TBC1D1: variants seen among roughly 807,000 people sequenced by gnomAD.
TBC1D1 encodes TBC1 (tre-2/USP6, BUB2, cdc16) domain family, member 1.
Under a neutral mutation model 125.6 loss-of-function variants are expected in TBC1D1, and 89 were observed. That is an observed-to-expected ratio of 0.71 (90% CI 0.60 to 0.85). The LOEUF (loss-of-function observed/expected upper bound fraction) is 0.85, where lower values mean the gene tolerates loss of function less well. TBC1D1 is among the 40% of genes least tolerant of loss of function. The probability of loss-of-function intolerance (pLI) is 0.00; values close to 1 mark genes in which losing one functional copy is unlikely to be tolerated. For synonymous variants in TBC1D1, 565 were observed against 564.1 expected, an observed-to-expected ratio of 1.00 and a Z score of -0.02; for missense variants, 1,377 against 1,469.2, an observed-to-expected ratio of 0.94 and a Z score of 1.03.
intron 15 of TBC1D1, chr4:38,110,780 T>A: frequency 3.0e-6 from 3 of 985,470 alleles, no homozygotes; most frequent in Non-Finnish European, 3.6e-6. Context: ...CATATCCTGA[T>A]AGATTTGTAG....
rs1293060064 is a variant in TBC1D1, at chr4:38,137,662, A to G, written c.*327A>G. 3.8e-6 allele frequency: 1 copy of G among 261,388 alleles called. No individual in the cohort carries two copies. Among genetic ancestry groups the G allele is most frequent in the African/African-American group, 2.2e-5 (1 of 45,478 alleles). The allele number at this position is 261,388 out of a possible 1,614,324, so 16.2% of individuals were successfully genotyped here. A position where few individuals can be genotyped will look rare whatever the true frequency, so the allele number is the denominator to read the frequency against. On this transcript the variant is annotated 3_prime_UTR_variant, in exon 20 of 20. Coordinates refer to ENST00000261439, the MANE Select transcript of TBC1D1 (RefSeq NM_015173.4). Reference sequence around the variant, plus strand: ...GAGTGTCACTGTGTTTGTAAAGAGCATTCACAATACGGTGGAATTTCAAAA... The same window carrying G: ...GAGTGTCACTGTGTTTGTAAAGAGCGTTCACAATACGGTGGAATTTCAAAA...
intron 2 of TBC1D1, among the ~76,000 whole-genome samples, chr4:37,915,039 C>G (rs1577829893): frequency 1.3e-5 from 2 of 152,230 alleles, no homozygotes; most frequent in Non-Finnish European, 2.9e-5. Flanking sequence ...TCCATGTTAA[C>G]CACCTACTTA....
At chr4:37,997,472 TTTC>T (rs1578203754) in intron 2 of TBC1D1, among the ~76,000 whole-genome samples, 1 of 152,346 alleles carries the variant, frequency 6.6e-6, no homozygotes, top group East Asian at 1.9e-4. Context: ...TGAAGATTTT[TTTC>T]TTCTTTCCAA....
At chr4:38,104,033 G>A (rs576659052) in intron 15 of TBC1D1, among the ~76,000 whole-genome samples, 10 of 151,898 alleles carry the variant, frequency 6.6e-5, no homozygotes, top group African/African-American at 2.2e-4. Context: ...GGTGGTGGGC[G>A]CCTATAGTCC....
chr4:38,096,264 A>G (rs1295396041), intron 14 of TBC1D1, among the ~76,000 whole-genome samples, 174 bp downstream of exon 16: 1 of 152,182 alleles, frequency 6.6e-6, no homozygotes, highest in East Asian at 1.9e-4. Flanking sequence ...ACCACCTTTC[A>G]TGATTCCTCT....
intron 13 of TBC1D1, among the ~76,000 whole-genome samples, chr4:38,093,519 T>TTAC: frequency 6.9e-6 from 1 of 145,804 alleles, no homozygotes; most frequent in East Asian, 2.1e-4. Flanking sequence ...AAGGCCGTTT[T>TTAC]CCCCCCCCTT....
At chr4:38,108,354 C>T (rs993055632) in intron 15 of TBC1D1, among the ~76,000 whole-genome samples, 10 of 152,144 alleles carry the variant, frequency 6.6e-5, no homozygotes, top group Non-Finnish European at 1.3e-4. Context: ...GGGCTTCAGC[C>T]GAAAGAACAC....
In TBC1D1 at chr4:37,937,791, A is replaced by G. The variant is rs112748250; in HGVS notation, c.417+35279A>G. ...CTGCTTGGAGTCTGAAGCCTCGGCC[A>G]TGTGTGGTGTTGCTGGTGGTTCCTA... On this transcript the variant is annotated intron_variant, in intron 2 of 19. Coordinates refer to ENST00000261439, the MANE Select transcript of TBC1D1 (RefSeq NM_015173.4). Among the ~76,000 whole-genome samples, 961 of 152,222 alleles carry G rather than the reference A, an allele frequency of 6.3e-3. 9 individuals are homozygous for G. The highest frequency in any genetic ancestry group is 0.022 in the African/African-American group (905 of 41,520).
At chr4:37,922,195 A>G (rs1219972647) in intron 2 of TBC1D1, among the ~76,000 whole-genome samples, 7 of 152,314 alleles carry the variant, frequency 4.6e-5, no homozygotes, top group African/African-American at 1.7e-4. Context: ...CACTTTATTT[A>G]ATATGCTCAC....
At chr4:38,007,980 A>C (rs1231215147) in intron 2 of TBC1D1, among the ~76,000 whole-genome samples, 1 of 152,174 alleles carries the variant, frequency 6.6e-6, no homozygotes, top group Non-Finnish European at 1.5e-5. Flanking sequence ...AAACTGCGGG[A>C]GTGAGGGCCC....
intron 7 of TBC1D1, among the ~76,000 whole-genome samples, chr4:38,032,778 T>A (rs946205256): frequency 2.0e-5 from 3 of 148,128 alleles, no homozygotes; most frequent in African/African-American, 7.5e-5. Flanking sequence ...GAGCTTGCAG[T>A]GAGCCCAGAT....
At chr4:37,970,068 A>G (rs1235108293) in intron 2 of TBC1D1, among the ~76,000 whole-genome samples, 4 of 152,226 alleles carry the variant, frequency 2.6e-5, no homozygotes, top group African/African-American at 9.6e-5. Context: ...GTGCTGTGGC[A>G]TGTATCAGTA....
intron 14 of TBC1D1, among the ~76,000 whole-genome samples, chr4:38,099,671 G>T (rs1759968256): frequency 6.6e-6 from 1 of 152,194 alleles, no homozygotes; most frequent in Non-Finnish European, 1.5e-5. Flanking sequence ...CATGGGGGAT[G>T]GAGGAATGGC....
chr4:38,012,523 C>T (rs1741731625), intron 2 of TBC1D1, among the ~76,000 whole-genome samples: 1 of 152,212 alleles, frequency 6.6e-6, no homozygotes, highest in Non-Finnish European at 1.5e-5. Context: ...AATCCGCCTG[C>T]CTTGGCCTCC....
rs562434690 is a variant in TBC1D1, at chr4:38,066,189, A to G, written c.2050+11851A>G. Among the ~76,000 whole-genome samples the G allele has an allele frequency of 2.6e-5, 4 of 151,954 alleles. No individual in the cohort carries two copies. In the South Asian group the frequency reaches 8.3e-4, roughly 32 times the overall value. ...GGGCTGTGTTAGTGTGAAGGAATGT[A>G]TCTTATGTTGGAAGTACTCTAGAAT... is the stretch of plus-strand genomic sequence containing the variant. On this transcript the variant is annotated intron_variant, in intron 12 of 19. Coordinates refer to ENST00000261439, the MANE Select transcript of TBC1D1 (RefSeq NM_015173.4).
chr4:38,122,074 C>A (rs576995129), intron 17 of TBC1D1, among the ~76,000 whole-genome samples: 1 of 152,154 alleles, frequency 6.6e-6, no homozygotes, highest in Non-Finnish European at 1.5e-5. Flanking sequence ...GAACTTTCTC[C>A]GGCCTTGGAG....
chr4:37,995,801 A>G lies in TBC1D1; in HGVS notation c.418-18708A>G. On this transcript the variant is annotated intron_variant, in intron 2 of 19. Coordinates refer to ENST00000261439, the MANE Select transcript of TBC1D1 (RefSeq NM_015173.4). The surrounding 1 kb of genome is among the most constrained non-coding windows in gnomAD (Gnocchi z 4.3). ...ACCTTCTCCTGGATTGCTACCCCAAATCATTTGCATCCTCAGTCTTGGGGA... is the reference window on the plus strand; with the variant it reads ...ACCTTCTCCTGGATTGCTACCCCAAGTCATTTGCATCCTCAGTCTTGGGGA... 1.8e-6 allele frequency: 1 copy of G among 544,146 alleles called. No homozygotes were observed. The highest frequency in any genetic ancestry group is 3.7e-6 in the Non-Finnish European group (1 of 271,138). The allele number at this position is 544,146 out of a possible 1,614,324, so 33.7% of individuals were successfully genotyped here.
chr4:37,942,466 G>A (rs929866870), intron 2 of TBC1D1, among the ~76,000 whole-genome samples: 3 of 151,994 alleles, frequency 2.0e-5, no homozygotes, highest in African/African-American at 7.3e-5. Context: ...GATGGGTCTT[G>A]ACTCTTTATC....
intron 12 of TBC1D1, among the ~76,000 whole-genome samples, chr4:38,074,098 A>G (rs1220419546): frequency 2.0e-5 from 3 of 152,210 alleles, no homozygotes; most frequent in Non-Finnish European, 4.4e-5. Context: ...TCACTGCCAG[A>G]GGAAACCTGG....
Sources: gnomAD v4.1 joint callset for allele counts (sites outside exome capture counted in the v4.1 genomes callset) on GRCh38, gnomAD v4.1.1 for gene constraint, Gnocchi (gnomAD v3.1) non-coding constraint, MANE v1.5 for transcripts, NCBI Gene and HGNC (gene_info 2026-07-23, HGNC 2026-07-21) for gene names.